Variants in BAZ2A observed in about 807,000 individuals in gnomAD.
BAZ2A encodes bromodomain adjacent to zinc finger domain protein 2A.
A neutral mutation model predicts 199.9 loss-of-function variants in BAZ2A; 34 were observed. The ratio of observed to expected loss-of-function variants is 0.17; its 90% CI spans 0.13 to 0.23. The LOEUF (loss-of-function observed/expected upper bound fraction) is 0.23. Ranked by LOEUF, BAZ2A falls within the 10% of genes least tolerant of loss-of-function variation. The probability of loss-of-function intolerance (pLI) is 1.00; values close to 1 mark genes in which losing one functional copy is unlikely to be tolerated. For synonymous variants in BAZ2A, 857 were observed against 883.9 expected, an observed-to-expected ratio of 0.97 and a Z score of 0.54; for missense variants, 2,002 against 2,391.1, an observed-to-expected ratio of 0.84 and a Z score of 3.39.
intron 10 of BAZ2A, among the ~76,000 whole-genome samples, chr12:56,608,052 C>A: frequency 7.3e-6 from 1 of 137,020 alleles, no homozygotes; most frequent in African/African-American, 2.7e-5. Context: ...CCAGCCTGGG[C>A]AACAAGAGCA....
intron 1 of BAZ2A, among the ~76,000 whole-genome samples, chr12:56,628,177 C>CCAAA (rs1951169816): frequency 3.5e-5 from 1 of 28,392 alleles, no homozygotes; most frequent in Non-Finnish European, 6.9e-5. Context: ...AACTCCGTCT[C>CCAAA]AAAAAAAAAA....
In BAZ2A at chr12:56,596,085, G is replaced by A. The variant is rs1328851202; in HGVS notation, c.*2533C>T. The stretch of plus-strand genomic sequence containing the variant: ...AAATGAGATTGGTCCTAAAAATATA[G>A]AAAGAAATAAATTTAAATTCACAAA... On this transcript the variant is annotated 3_prime_UTR_variant, in exon 29 of 29. Coordinates refer to ENST00000549884, the MANE Select transcript of BAZ2A (RefSeq NM_001300905.2). 5 of 152,566 alleles carry A rather than the reference G, an allele frequency of 3.3e-5. No individual in the cohort carries two copies. The highest frequency in any genetic ancestry group is 1.2e-4 in the African/African-American group (5 of 41,426). The allele number at this position is 152,566 out of a possible 1,614,324, so 9.5% of individuals were successfully genotyped here. A position where few individuals can be genotyped will look rare whatever the true frequency, so the allele number is the denominator to read the frequency against.
At chr12:56,612,395 C>T in intron 5 of BAZ2A, 149 bp from the exon 6 acceptor site, 1 of 674,574 alleles carries the variant, frequency 1.5e-6, no homozygotes, top group East Asian at 2.7e-5. Context: ...GCTTTTTCTC[C>T]CAACCAATCA....
At chr12:56,607,381 A>G (rs754168819) in intron 10 of BAZ2A, among the ~76,000 whole-genome samples, 1 of 152,174 alleles carries the variant, frequency 6.6e-6, no homozygotes, top group African/African-American at 2.4e-5. Flanking sequence ...ATACATATAT[A>G]TATTTTTTGA....
upstream of BAZ2A, among the ~76,000 whole-genome samples, chr12:56,633,764 G>A (rs1951376205): frequency 6.6e-6 from 1 of 152,080 alleles, no homozygotes; most frequent in African/African-American, 2.4e-5. Flanking sequence ...TTTTGAGACA[G>A]TCTTGCTCTG....
At chr12:56,629,703 C>T (rs958048941) in intron 1 of BAZ2A, among the ~76,000 whole-genome samples, 2 of 152,180 alleles carry the variant, frequency 1.3e-5, no homozygotes, top group African/African-American at 2.4e-5. Flanking sequence ...TCCCCGCAAA[C>T]GGAGCGTTTT....
chr12:56,636,344 G>T, exon 1 of BAZ2A: 2 of 1,357,798 alleles, frequency 1.5e-6, no homozygotes, highest in Admixed American at 2.4e-5. Flanking sequence ...CACACAGCCT[G>T]AACTGCTGTA....
intron 16 of BAZ2A, 145 bp from the exon 17 acceptor site, chr12:56,603,845 TC>T: frequency 1.1e-6 from 1 of 929,160 alleles, no homozygotes; most frequent in Non-Finnish European, 1.6e-6. Flanking sequence ...AAACCCTGTC[TC>T]TACTAAAAAT....
At chr12:56,636,445 A>T, upstream of BAZ2A, 2 of 1,203,672 alleles carry the variant, frequency 1.7e-6, no homozygotes, top group Non-Finnish European at 2.2e-6. Flanking sequence ...AGGCGAGGAC[A>T]GGGCAGACCA....
intron 1 of BAZ2A, among the ~76,000 whole-genome samples, chr12:56,625,886 A>AG: frequency 6.6e-6 from 1 of 151,608 alleles, no homozygotes; most frequent in East Asian, 1.9e-4. Context: ...AAAAAAAAAA[A>AG]AAAAAAAAAA....
chr12:56,628,256 G>A lies in BAZ2A; in HGVS notation c.-3+1869C>T, dbSNP rs146767977. On this transcript the variant is annotated intron_variant, in intron 1 of 28. Coordinates refer to ENST00000549884, the MANE Select transcript of BAZ2A (RefSeq NM_001300905.2). ...AAAGAAAGAAAAATAAAATTCTGTG[G>A]CCAACTGTTGCCCCTAACCAAATCC... 8.3e-3 allele frequency among the ~76,000 whole-genome samples: 1,256 copies of A among 151,306 alleles called. 10 individuals are homozygous for A. The highest frequency in any genetic ancestry group is 0.014 in the Middle Eastern group (4 of 292).
Position 56,609,779 on chromosome 12 carries a change from C to G in BAZ2A, c.2049G>C (p.Leu683Phe). The G allele has an allele frequency of 6.2e-7, 1 of 1,613,890 alleles. No homozygotes were observed. The highest frequency in any genetic ancestry group is 1.3e-5 in the African/African-American group (1 of 75,032). Residue 683 changes from leucine to phenylalanine, a missense_variant, in exon 10 of 29, where the codon TTG (leucine) becomes TTC (phenylalanine). Transcript: ENST00000549884. ...RPPKVKITEL[L>F]NKTDNRPLKK... is the part of the protein sequence containing the mutation. ...TTAGGGGGCGGTTGTCTGTCTTGTT[C>G]AATAGCTCAGTGATTTTGACCTTAG... is the stretch of plus-strand genomic sequence containing the variant.
intron 25 of BAZ2A, 32 bp from the exon 26 acceptor site, chr12:56,599,880 C>G (rs775388291): frequency 2.5e-6 from 4 of 1,613,358 alleles, no homozygotes; most frequent in Non-Finnish European, 3.4e-6. Context: ...GCAGAATGAG[C>G]TCTCCAGCCT....
chr12:56,622,245 CAGG>C (rs1450454780), intron 1 of BAZ2A, among the ~76,000 whole-genome samples: 1 of 151,944 alleles, frequency 6.6e-6, no homozygotes, highest in Admixed American at 6.6e-5. Context: ...GAGGCTGAGG[CAGG>C]AGAATTGCTT....
At chr12:56,618,196 TCAG>T (rs1267349211) in intron 1 of BAZ2A, among the ~76,000 whole-genome samples, 2 of 152,190 alleles carry the variant, frequency 1.3e-5, no homozygotes, top group Non-Finnish European at 2.9e-5. Flanking sequence ...CAGAAAAATG[TCAG>T]CAGTGGAAAA....
Position 56,610,192 on chromosome 12 carries a change from G to C in BAZ2A, c.1803C>G (p.His601Gln). Residue 601 changes from histidine (H) to glutamine (Q), a missense_variant, in exon 9 of 29, where the codon CAC (histidine) becomes CAG (glutamine). Physicochemically the swap from His to Gln is conservative, Grantham distance 24. Coordinates refer to ENST00000549884, the MANE Select transcript of BAZ2A (RefSeq NM_001300905.2). ...VIKYLSRNVV[H>Q]SVRREHFSFS... is the part of the protein sequence containing the mutation. ...AGCTGAAGTGCTCTCGGCGGACACT[G>C]TGTACCACGTTGCGGCTCAGGTACT... 1 of 1,613,978 alleles carries C rather than the reference G, an allele frequency of 6.2e-7. No individual in the cohort carries two copies. The highest frequency in any genetic ancestry group is 8.5e-7 in the Non-Finnish European group (1 of 1,179,888).
intron 1 of BAZ2A, among the ~76,000 whole-genome samples, chr12:56,620,726 A>AT (rs1950894228): frequency 6.6e-6 from 1 of 151,856 alleles, no homozygotes; most frequent in South Asian, 2.1e-4. Flanking sequence ...CGCCCAGATA[A>AT]TTTTTTATCT....
At chr12:56,606,415 G>C (rs1950356813) in intron 11 of BAZ2A, 103 bp from the exon 12 acceptor site, 1 of 1,390,796 alleles carries the variant, frequency 7.2e-7, no homozygotes, top group African/African-American at 1.4e-5. Flanking sequence ...AGAGGTGAGA[G>C]ATGGAATGAG....
chr12:56,629,348 G>A (rs540792204), intron 1 of BAZ2A, among the ~76,000 whole-genome samples: 2 of 152,288 alleles, frequency 1.3e-5, no homozygotes, highest in Admixed American at 1.3e-4. Context: ...TGGGAACACC[G>A]GGAAAGAAAG....
Sources: allele counts gnomAD v4.1 joint callset (sites outside exome capture counted in the v4.1 genomes callset), GRCh38; gene constraint gnomAD v4.1.1; transcripts MANE v1.5; gene names NCBI Gene and HGNC (gene_info 2026-07-23, HGNC 2026-07-21).